MYO5A: variants seen among roughly 807,000 people sequenced by gnomAD.
MYO5A encodes the protein myosin VA, also known as unconventional myosin-Va.
A neutral mutation model predicts 249.7 loss-of-function variants in MYO5A; 98 were observed. That is an observed-to-expected ratio of 0.39 (90% CI 0.33 to 0.46). The LOEUF (loss-of-function observed/expected upper bound fraction) is 0.46. MYO5A is among the 20% of genes least tolerant of loss of function. MYO5A has a pLI of 0.98. For synonymous variants in MYO5A, 778 were observed against 810.6 expected, an observed-to-expected ratio of 0.96 and a Z score of 0.68; for missense variants, 1,696 against 2,308.8, an observed-to-expected ratio of 0.73 and a Z score of 5.44.
chr15:52,486,200 TTC>T, intron 1 of MYO5A, among the ~76,000 whole-genome samples: 1 of 152,332 alleles, frequency 6.6e-6, no homozygotes, highest in Admixed American at 6.5e-5. Context: ...GCAGAGCCTG[TTC>T]TCTGTTTGCC....
At chr15:52,474,449 G>A (rs1024590257) in intron 1 of MYO5A, among the ~76,000 whole-genome samples, 8 of 152,138 alleles carry the variant, frequency 5.3e-5, no homozygotes, top group South Asian at 2.1e-4. Context: ...GTGAGAGAGG[G>A]CATCCCTGTC....
intron 1 of MYO5A, among the ~76,000 whole-genome samples, chr15:52,458,026 C>T (rs59773190): frequency 1.3e-5 from 2 of 152,118 alleles, no homozygotes; most frequent in Admixed American, 6.6e-5. Flanking sequence ...ATCACACATT[C>T]TCATTCATAT....
At chr15:52,467,413 G>C (rs886959140) in intron 1 of MYO5A, among the ~76,000 whole-genome samples, 1 of 152,032 alleles carries the variant, frequency 6.6e-6, no homozygotes, top group African/African-American at 2.4e-5. Flanking sequence ...AAATAGACTA[G>C]ACTAAGCAGA....
chr15:52,372,417 T>C (rs887375464), intron 20 of MYO5A, 54 bp from the exon 21 acceptor site: 4 of 1,594,466 alleles, frequency 2.5e-6, no homozygotes, highest in Non-Finnish European at 3.4e-6. Context: ...ACACTCATGA[T>C]TATCAATCTA....
intron 34 of MYO5A, among the ~76,000 whole-genome samples, chr15:52,334,168 T>C (rs1380127291): frequency 6.6e-6 from 1 of 152,252 alleles, no homozygotes; most frequent in Non-Finnish European, 1.5e-5. Flanking sequence ...TAAAATAGTC[T>C]AACCCATCTC....
At chr15:52,428,674 T>A in intron 2 of MYO5A, 105 bp from the exon 3 acceptor site, 2 of 1,158,036 alleles carry the variant, frequency 1.7e-6, no homozygotes, top group South Asian at 1.2e-5. Flanking sequence ...TCTCAGCTAT[T>A]AAATGCATTA....
intron 18 of MYO5A, among the ~76,000 whole-genome samples, chr15:52,377,203 C>G (rs2041461171): frequency 6.6e-6 from 1 of 152,120 alleles, no homozygotes; most frequent in Non-Finnish European, 1.5e-5. Flanking sequence ...GCTGGCGGAT[C>G]ATGAGGTCAG....
At chr15:52,495,276 T>G (rs1000715943) in intron 1 of MYO5A, among the ~76,000 whole-genome samples, 1 of 152,190 alleles carries the variant, frequency 6.6e-6, no homozygotes, top group Non-Finnish European at 1.5e-5. Flanking sequence ...GGACATTATG[T>G]TAAGTGAAAT....
At chr15:52,372,498 G>C in intron 20 of MYO5A, 135 bp from the exon 21 acceptor site, 1 of 1,195,088 alleles carries the variant, frequency 8.4e-7, no homozygotes. Flanking sequence ...GTACTATGTA[G>C]ATTATACTTA....
chr15:52,515,784 C>T (rs1003597802), intron 1 of MYO5A, among the ~76,000 whole-genome samples: 1 of 152,154 alleles, frequency 6.6e-6, no homozygotes, highest in Non-Finnish European at 1.5e-5. Context: ...TGGAAGTCAT[C>T]AGCACAGGGC....
At chr15:52,356,752 TA>T (rs1376401519) in intron 25 of MYO5A, among the ~76,000 whole-genome samples, 3 of 135,138 alleles carry the variant, frequency 2.2e-5, no homozygotes, top group Non-Finnish European at 4.5e-5. Flanking sequence ...GCTCAGTTAA[TA>T]GACCAAAAGT....
chr15:52,528,755 C>T, intron 1 of MYO5A, 25 bp downstream of exon 1: 4 of 1,502,494 alleles, frequency 2.7e-6, no homozygotes, highest in Non-Finnish European at 3.5e-6. Flanking sequence ...CCCCAGTCCT[C>T]GACGCCGGCC....
chr15:52,326,859 T>C (rs2038634815), intron 36 of MYO5A, among the ~76,000 whole-genome samples: 1 of 152,186 alleles, frequency 6.6e-6, no homozygotes. Context: ...ACCTGGAACA[T>C]ATGATCTTAG....
rs1409824481 is a variant in MYO5A at position 52,312,936 on chromosome 15, A to C, written c.*760T>G. ...CCAGTGTCTGCTACTTGTGCAGGTG[A>C]ATCTGTAGGTATTTGCATATAATCC... On this transcript the variant is annotated 3_prime_UTR_variant, in exon 42 of 42. Transcript: ENST00000399233. 1 of 152,596 alleles carries C rather than the reference A, an allele frequency of 6.6e-6. No homozygotes were observed. The highest frequency in any genetic ancestry group is 1.5e-5 in the Non-Finnish European group (1 of 68,046). 9.5% of individuals were successfully genotyped at this position (152,596 alleles called of 1,614,324 possible).
chr15:52,422,842 G>C (rs1213126535), intron 4 of MYO5A, among the ~76,000 whole-genome samples: 1 of 152,116 alleles, frequency 6.6e-6, no homozygotes, highest in Non-Finnish European at 1.5e-5. Context: ...TCTGACTCCT[G>C]AGTAGCTGGG....
chr15:52,403,519 C>A (rs1348589968), intron 9 of MYO5A, among the ~76,000 whole-genome samples: 5 of 152,070 alleles, frequency 3.3e-5, no homozygotes, highest in African/African-American at 1.2e-4. Flanking sequence ...AGGCAGAAAA[C>A]AGATTTATGG....
At chr15:52,474,073 T>C (rs1372417105) in intron 1 of MYO5A, among the ~76,000 whole-genome samples, 1 of 152,152 alleles carries the variant, frequency 6.6e-6, no homozygotes, top group East Asian at 1.9e-4. Context: ...CATTGAGCAG[T>C]GGTTTGTAGT....
At chr15:52,483,359 A>C (rs2076753012) in intron 1 of MYO5A, among the ~76,000 whole-genome samples, 1 of 152,184 alleles carries the variant, frequency 6.6e-6, no homozygotes, top group African/African-American at 2.4e-5. Context: ...CCCCAGGTCA[A>C]CAGGGAGAGT....
At chr15:52,368,913 G>A (rs2040953455) in intron 22 of MYO5A, among the ~76,000 whole-genome samples, 1 of 152,212 alleles carries the variant, frequency 6.6e-6, no homozygotes, top group African/African-American at 2.4e-5. Context: ...TACAGATTCT[G>A]AGGAATCCGA....
Sources: gnomAD v4.1 joint callset for allele counts (sites outside exome capture counted in the v4.1 genomes callset) on GRCh38, gnomAD v4.1.1 for gene constraint, MANE v1.5 for transcripts, NCBI Gene and HGNC (gene_info 2026-07-23, HGNC 2026-07-21) for gene names.